PKD1L3: variants seen among roughly 807,000 people sequenced by gnomAD.
PKD1L3 encodes the protein polycystin-1-like protein 3.
Under a neutral mutation model 184.1 loss-of-function variants are expected in PKD1L3, and 239 were observed. The ratio of observed to expected loss-of-function variants is 1.30; its 90% CI spans 1.17 to 1.45. The LOEUF (loss-of-function observed/expected upper bound fraction) is 1.45. PKD1L3 is among the 40% of genes most tolerant of loss of function. The pLI, the probability that PKD1L3 is intolerant of heterozygous loss-of-function variation, is 0.00. For synonymous variants in PKD1L3, 996 were observed against 778.8 expected (o/e 1.28, Z -4.64); for missense variants, 2,660 against 2,067.2 (o/e 1.29, Z -5.56).
intron 4 of PKD1L3, among the ~76,000 whole-genome samples, chr16:71,986,907 G>C (rs1171826581): frequency 2.8e-5 from 4 of 142,352 alleles, no homozygotes; most frequent in Non-Finnish European, 6.0e-5. Flanking sequence ...TCAGTGGTAA[G>C]GAGAGGATTT....
intron 5 of PKD1L3, among the ~76,000 whole-genome samples, chr16:71,984,533 C>A (rs1230870319): frequency 6.6e-6 from 1 of 152,188 alleles, no homozygotes; most frequent in Non-Finnish European, 1.5e-5. Flanking sequence ...TCCTCTCAGG[C>A]TTCCCTGTGT....
intron 11 of PKD1L3, among the ~76,000 whole-genome samples, chr16:71,975,322 T>C (rs1043442836): frequency 4.6e-5 from 7 of 151,850 alleles, no homozygotes; most frequent in East Asian, 3.9e-4. Flanking sequence ...CCTCTCAAAG[T>C]GCTGGCGTTA....
chr16:71,943,537 CAAAAAAAAAA>C (rs10693124), intron 23 of PKD1L3, among the ~76,000 whole-genome samples: 1 of 84,544 alleles, frequency 1.2e-5, no homozygotes, highest in Non-Finnish European at 2.2e-5. Flanking sequence ...GACTCCGTCT[CAAAAAAAAAA>C]AAAAAAAAAA....
intron 7 of PKD1L3, among the ~76,000 whole-genome samples, 176 bp from the exon 8 acceptor site, chr16:71,980,310 T>C (rs2040100169): frequency 6.6e-6 from 1 of 152,176 alleles, no homozygotes. Flanking sequence ...GCTAAAGACT[T>C]AGCATCCTTT....
In PKD1L3 at chr16:71,984,026, C is replaced by T. The variant is rs1337955694; in HGVS notation, c.966+10G>A. 5 of 1,551,496 alleles carry T rather than the reference C, an allele frequency of 3.2e-6. No individual in the cohort carries two copies. In the African/African-American group the frequency reaches 6.8e-5, roughly 21 times the overall value. Reference sequence around the variant, plus strand: ...CCTACCTTCTTCCCTCCCAGTCACCCTCCACTTACCTGAGCTGGCTTAGAA... The same window carrying T: ...CCTACCTTCTTCCCTCCCAGTCACCTTCCACTTACCTGAGCTGGCTTAGAA... On this transcript the variant is annotated intron_variant, in intron 6 of 29. Coordinates refer to ENST00000620267, the MANE Select transcript of PKD1L3 (RefSeq NM_181536.2).
At position 71,979,033 on chromosome 16, in the gene PKD1L3, A is replaced by G. The variant is rs1393393660; in HGVS notation, c.1399-650T>C. On this transcript the variant is annotated intron_variant, in intron 9 of 29. Transcript: ENST00000620267. ...GGAAGTAACTGTTCTGCTCTTCAGG[A>G]TAAGGCAACAATGCTACTTGTATTT... Among the ~76,000 whole-genome samples the G allele has an allele frequency of 2.6e-5, 4 of 152,230 alleles. No individual in the cohort carries two copies. In the East Asian group the frequency reaches 5.8e-4, roughly 22 times the overall value.
At chr16:71,982,940 G>T (rs8062422) in intron 6 of PKD1L3, among the ~76,000 whole-genome samples, 115,997 of 152,054 alleles carry the variant, frequency 0.76, 44,481 homozygotes, top group South Asian at 0.86. Context: ...CTTAATATTC[G>T]TTATACATTT....
At chr16:71,949,601 C>T (rs1459142613) in intron 21 of PKD1L3, among the ~76,000 whole-genome samples, 182 bp downstream of exon 21, 1 of 152,122 alleles carries the variant, frequency 6.6e-6, no homozygotes, top group African/African-American at 2.4e-5. Context: ...AATCTGCCTG[C>T]CTTGGCCTCC....
chr16:71,978,334 A>G lies in PKD1L3; in HGVS notation c.1448T>C (p.Ile483Thr). 1 of 1,550,366 alleles carries G rather than the reference A, an allele frequency of 6.5e-7. No individual in the cohort carries two copies. The highest frequency in any genetic ancestry group is 8.7e-7 in the Non-Finnish European group (1 of 1,146,320). ...NPFKDLDNRN[I>T]VGSIGSVLLS... ...TAACACACTTCCAATGCTTCCAACA[A>G]TGTTTCTGTTGTCCAAATCCTTGAA... The change falls in exon 10 of 30, where the codon ATT becomes ACT. Residue 483 changes from isoleucine to threonine, a missense_variant. By Grantham distance (89) the Ile-to-Thr change is moderately conservative. Coordinates refer to ENST00000620267, the MANE Select transcript of PKD1L3 (RefSeq NM_181536.2).
In PKD1L3 at chr16:71,950,006, C is replaced by T. The variant is rs1419437722; in HGVS notation, c.3395G>A (p.Ser1132Asn). Reference protein sequence around the residue: ...TEQEPSREVTSFAILSSEEGK... With the variant: ...TEQEPSREVTNFAILSSEEGK... ...TTCTTCTGAGCTCAGGATGGCAAAACTGGTGACTTCCCTGAAGCACAAAAG... is the reference window on the plus strand; with the variant it reads ...TTCTTCTGAGCTCAGGATGGCAAAATTGGTGACTTCCCTGAAGCACAAAAG... The change falls in exon 21 of 30, where the codon AGT (serine) becomes AAT (asparagine). Residue 1132 changes from serine (S) to asparagine (N), a missense_variant. Coordinates refer to ENST00000620267, the MANE Select transcript of PKD1L3 (RefSeq NM_181536.2). 6.4e-7 allele frequency: 1 copy of T among 1,551,362 alleles called. No homozygotes were observed. The highest frequency in any genetic ancestry group is 2.0e-5 in the Admixed American group (1 of 50,862).
intron 11 of PKD1L3, among the ~76,000 whole-genome samples, chr16:71,973,859 G>A (rs2039815317): frequency 6.6e-6 from 1 of 151,998 alleles, no homozygotes; most frequent in African/African-American, 2.4e-5. Context: ...AAAATTAGTG[G>A]GGTGTGGTGA....
At chr16:71,933,384 ATT>A (rs1422355171) in intron 28 of PKD1L3, 34 bp downstream of exon 28, 15 of 1,459,916 alleles carry the variant, frequency 1.0e-5, no homozygotes, top group Middle Eastern at 1.7e-4. Flanking sequence ...TGTTCAATAT[ATT>A]GAATTCTGTG....
intron 19 of PKD1L3, 74 bp downstream of exon 19, chr16:71,951,490 G>A (rs1372969716): frequency 1.1e-5 from 16 of 1,404,420 alleles, no homozygotes; most frequent in Non-Finnish European, 3.8e-6. Context: ...TTATGAATGA[G>A]TAAGAAAGTA....
chr16:71,949,219 A>C (rs1005034899), intron 21 of PKD1L3, among the ~76,000 whole-genome samples: 1 of 151,898 alleles, frequency 6.6e-6, no homozygotes, highest in South Asian at 2.1e-4. Context: ...TATTTTTTTC[A>C]AAGTGCTTTG....
rs1337703923 is a variant in PKD1L3 at position 71,999,749 on chromosome 16, C to G, written c.230G>C (p.Gly77Ala). Residue 77 changes from glycine to alanine, a missense_variant, in exon 1 of 30, where the codon GGA (glycine) becomes GCA (alanine). Gly to Ala is a moderately conservative substitution (Grantham distance 60). Coordinates refer to ENST00000620267, the MANE Select transcript of PKD1L3 (RefSeq NM_181536.2). ...ATTTTGCCCAATCCACCACTTCTTT[C>G]CTTCTTCCAGATAGTCCCGGATGAG... ...QDLIRDYLEE[G>A]KKWWIGQNVM... 6.4e-7 allele frequency: 1 copy of G among 1,551,644 alleles called. No individual in the cohort carries two copies. Among genetic ancestry groups the G allele is most frequent in the Admixed American group, 2.0e-5 (1 of 50,982 alleles).
At chr16:71,972,224 C>T (rs1199900775) in intron 12 of PKD1L3, among the ~76,000 whole-genome samples, 1 of 148,758 alleles carries the variant, frequency 6.7e-6, no homozygotes, top group Non-Finnish European at 1.5e-5. Flanking sequence ...CAAAAAAACA[C>T]ACAAAAAAAC....
At chr16:71,995,942 T>C (rs1383521986) in intron 2 of PKD1L3, among the ~76,000 whole-genome samples, 1 of 152,222 alleles carries the variant, frequency 6.6e-6, no homozygotes, top group Non-Finnish European at 1.5e-5. Context: ...GCCAATCTGA[T>C]AGGTGGGAAA....
rs895546548 is a variant in PKD1L3 at position 71,953,144 on chromosome 16, GCA to G, written c.2810-53_2810-52del. On this transcript the variant is annotated intron_variant, in intron 17 of 29. Coordinates refer to ENST00000620267, the MANE Select transcript of PKD1L3 (RefSeq NM_181536.2). ...TTCATCTTCAACAATTAAAATAATC[GCA>G]AAGTCATTCCTCTCCTAGGTTTAAC... 8.8e-6 allele frequency: 12 copies of G among 1,358,766 alleles called. No homozygotes were observed. In the Admixed American group the frequency reaches 1.1e-4, roughly 12 times the overall value. 84.2% of individuals were successfully genotyped at this position (1,358,766 alleles called of 1,614,324 possible). A position where few individuals can be genotyped will look rare whatever the true frequency, so the allele number is the denominator to read the frequency against.
intron 15 of PKD1L3, among the ~76,000 whole-genome samples, chr16:71,965,266 T>C (rs780205493): frequency 3.3e-5 from 5 of 152,392 alleles, no homozygotes; most frequent in Non-Finnish European, 5.9e-5. Flanking sequence ...ATCAATACAC[T>C]AACATTTGTT....
Sources: allele counts gnomAD v4.1 joint callset (sites outside exome capture counted in the v4.1 genomes callset), GRCh38; gene constraint gnomAD v4.1.1; transcripts MANE v1.5; gene names NCBI Gene and HGNC (gene_info 2026-07-23, HGNC 2026-07-21).